PIAS1: variants seen among roughly 807,000 people sequenced by gnomAD.
The protein encoded by PIAS1 is E3 SUMO-protein ligase PIAS1.
Under a neutral mutation model 71.3 loss-of-function variants are expected in PIAS1, and 6 were observed. The ratio of observed to expected loss-of-function variants is 0.08; its 90% confidence interval spans 0.05 to 0.17. The LOEUF is 0.17. Among genes scored for constraint, PIAS1 ranks in the 10% least tolerant of loss-of-function variants. PIAS1 has a pLI of 1.00. For synonymous variants in PIAS1, 303 were observed against 292.9 expected (o/e 1.03, Z -0.35); for missense variants, 555 against 793.6 (o/e 0.70, Z 3.61).
In PIAS1 at chr15:68,188,195, CATT is replaced by C. The variant is rs1457303611; in HGVS notation, c.*364_*366del. On this transcript the variant is annotated 3_prime_UTR_variant, in exon 14 of 14. Coordinates refer to ENST00000249636, the MANE Select transcript of PIAS1 (RefSeq NM_016166.3). ...TTTTGGTTTTATTTGACTTCGATGG[CATT>C]ATTTTATTTGCAATAACAGAAAAGG... is the stretch of plus-strand genomic sequence containing the variant. 1.2e-5 allele frequency: 2 copies of C among 163,456 alleles called. No homozygotes were observed. Among genetic ancestry groups the C allele is most frequent in the African/African-American group, 4.8e-5 (2 of 41,614 alleles). 10.1% of individuals were successfully genotyped at this position (163,456 alleles called of 1,614,324 possible). A position where few individuals can be genotyped will look rare whatever the true frequency, so the allele number is the denominator to read the frequency against.
At chr15:68,076,626 CT>C (rs2092168656) in intron 1 of PIAS1, among the ~76,000 whole-genome samples, 1 of 152,204 alleles carries the variant, frequency 6.6e-6, no homozygotes. Flanking sequence ...AGGATAATCT[CT>C]TATGATATGC....
At chr15:68,149,969 A>T (rs1354526992) in intron 6 of PIAS1, among the ~76,000 whole-genome samples, 1 of 152,130 alleles carries the variant, frequency 6.6e-6, no homozygotes, top group African/African-American at 2.4e-5. Context: ...TAATTTTGAT[A>T]GAATATTATA....
rs10667510 is a variant in PIAS1, at chr15:68,090,927, GGT to G, written c.469+4212_469+4213del. Among the ~76,000 whole-genome samples the G allele has an allele frequency of 4.6e-3, 650 of 142,778 alleles. 4 individuals are homozygous for G. Among genetic ancestry groups the G allele is most frequent in the Middle Eastern group, 0.014 (4 of 286 alleles). The allele number at this position is 142,778 out of a possible 152,430, so 93.7% of individuals were successfully genotyped here. A position where few individuals can be genotyped will look rare whatever the true frequency, so the allele number is the denominator to read the frequency against. On this transcript the variant is annotated intron_variant, in intron 2 of 13. Transcript: ENST00000249636. ...GTATTCTTTTTGTTAGTCATTTACG[GGT>G]GTGTGTGTGTGTGTGTGTGTGTGTG...
intron 1 of PIAS1, among the ~76,000 whole-genome samples, chr15:68,079,042 CT>C (rs1023176949): frequency 6.0e-4 from 31 of 51,388 alleles, no homozygotes; most frequent in Non-Finnish European, 6.6e-4. Context: ...TAGTTAATCC[CT>C]CTTTTTTTTT....
intron 11 of PIAS1, among the ~76,000 whole-genome samples, chr15:68,177,278 CAA>C (rs3083984): frequency 1.5e-4 from 14 of 90,870 alleles, no homozygotes; most frequent in East Asian, 4.2e-4. Flanking sequence ...GACTTTGTCT[CAA>C]AAAAAAAAAA....
chr15:68,164,701 C>T, intron 7 of PIAS1, 30 bp from the exon 8 acceptor site: 1 of 1,365,744 alleles, frequency 7.3e-7, no homozygotes, highest in Non-Finnish European at 1.0e-6. Context: ...ACTCTGTTTG[C>T]TTTTTTTCTT....
chr15:68,063,476 A>G (rs746731902), intron 1 of PIAS1, among the ~76,000 whole-genome samples: 15 of 152,140 alleles, frequency 9.9e-5, no homozygotes, highest in Non-Finnish European at 2.1e-4. Flanking sequence ...CTTATAGTAG[A>G]TTCTCAGTAA....
At chr15:68,144,334 C>T (rs2141050486) in intron 4 of PIAS1, among the ~76,000 whole-genome samples, 1 of 152,114 alleles carries the variant, frequency 6.6e-6, no homozygotes, top group Non-Finnish European at 1.5e-5. Context: ...AATTAGGATC[C>T]AAGTTTTCTT....
In PIAS1 at chr15:68,185,972, A is replaced by AAAAC. The variant is rs35564899; in HGVS notation, c.1663-1562_1663-1559dup. Among the ~76,000 whole-genome samples, 79,329 of 150,934 alleles carry AAAAC rather than the reference A, an allele frequency of 0.53. 21,299 individuals are homozygous for AAAAC. The highest frequency in any genetic ancestry group is 0.57 in the Middle Eastern group (169 of 294). ...CAGAGCGAGACTCCATCTCAAAAAC[A>AAAAC]AAACAAACAAAAAAAACATGGGCCC... On this transcript the variant is annotated intron_variant, in intron 13 of 13. Coordinates refer to ENST00000249636, the MANE Select transcript of PIAS1 (RefSeq NM_016166.3). The surrounding 1 kb of genome is among the most constrained non-coding windows in gnomAD (Gnocchi z 4.4).
At position 68,062,870 on chromosome 15, in the gene PIAS1, T is replaced by C. The variant is rs544630046; in HGVS notation, c.24+8520T>C. ...TTTTACAATAGATAGTGAAGATCTT[T>C]CCATGACATGTCCAGACAATGAGAT... On this transcript the variant is annotated intron_variant, in intron 1 of 13. Transcript: ENST00000249636. Among the ~76,000 whole-genome samples, 12 of 152,326 alleles carry C rather than the reference T, an allele frequency of 7.9e-5. No individual in the cohort carries two copies. In the South Asian group the frequency reaches 2.1e-3, roughly 26 times the overall value.
intron 7 of PIAS1, among the ~76,000 whole-genome samples, chr15:68,162,612 T>C (rs763438028): frequency 2.0e-5 from 3 of 152,158 alleles, no homozygotes; most frequent in Non-Finnish European, 4.4e-5. Flanking sequence ...AAGCCAGTAA[T>C]GTGACTATTG....
In PIAS1 at chr15:68,183,683, T is replaced by C; in HGVS notation, c.1662+16T>C. On this transcript the variant is annotated intron_variant, in intron 13 of 13. Transcript: ENST00000249636. ...AGACAATCAGGTATGTTATGAAAAA[T>C]TTACTATTATTTTAATTGTACATTA... The C allele has an allele frequency of 1.1e-6, 1 of 947,418 alleles. No individual in the cohort carries two copies. Among genetic ancestry groups the C allele is most frequent in the Non-Finnish European group, 1.6e-6 (1 of 614,312 alleles). 58.7% of individuals were successfully genotyped at this position (947,418 alleles called of 1,614,324 possible). A position where few individuals can be genotyped will look rare whatever the true frequency, so the allele number is the denominator to read the frequency against.
At chr15:68,088,763 C>G (rs1416020874) in intron 2 of PIAS1, among the ~76,000 whole-genome samples, 1 of 152,020 alleles carries the variant, frequency 6.6e-6, no homozygotes, top group Non-Finnish European at 1.5e-5. Flanking sequence ...TTTTAAGGCT[C>G]TGTTTTTATA....
At chr15:68,147,923 CATG>C (rs2141054944) in intron 6 of PIAS1, among the ~76,000 whole-genome samples, 1 of 152,058 alleles carries the variant, frequency 6.6e-6, no homozygotes, top group East Asian at 1.9e-4. Context: ...GGACAATTTT[CATG>C]ATATGAACTC....
intron 2 of PIAS1, among the ~76,000 whole-genome samples, chr15:68,134,357 C>T (rs1386272086): frequency 2.7e-5 from 1 of 37,546 alleles, no homozygotes; most frequent in African/African-American, 5.4e-5. Context: ...GCTGGCCGGG[C>T]GGGGGGCTGA....
intron 2 of PIAS1, among the ~76,000 whole-genome samples, chr15:68,101,389 T>C: frequency 6.6e-6 from 1 of 151,470 alleles, no homozygotes; most frequent in Non-Finnish European, 1.5e-5. Flanking sequence ...TTCTAGATTC[T>C]AGTCCTTCGT....
chr15:68,078,549 T>C (rs1218167209), intron 1 of PIAS1, among the ~76,000 whole-genome samples: 1 of 152,194 alleles, frequency 6.6e-6, no homozygotes, highest in East Asian at 1.9e-4. Context: ...AGTGCCCCCG[T>C]CACCCATTTC....
At position 68,164,805 on chromosome 15, in the gene PIAS1, G is replaced by A; in HGVS notation, c.1008+1G>A. On this transcript the variant is annotated splice_donor_variant, in intron 8 of 13. Transcript: ENST00000249636. LOFTEE classifies it high-confidence loss of function. The stretch of plus-strand genomic sequence containing the variant: ...CCTAAGGGTTTCTCTACTATGTCCA[G>A]TAAGTGTTAACTATTACTTGCTTTC... 1 of 1,548,102 alleles carries A rather than the reference G, an allele frequency of 6.5e-7. No homozygotes were observed. Among genetic ancestry groups the A allele is most frequent in the Non-Finnish European group, 8.9e-7 (1 of 1,128,078 alleles).
intron 7 of PIAS1, among the ~76,000 whole-genome samples, chr15:68,159,976 C>A (rs1450571142): frequency 1.3e-5 from 2 of 152,108 alleles, no homozygotes; most frequent in Non-Finnish European, 2.9e-5. Context: ...CACATCCTTA[C>A]CAGCATATGG....
Sources: allele counts gnomAD v4.1 joint callset (sites outside exome capture counted in the v4.1 genomes callset), GRCh38; gene constraint gnomAD v4.1.1; non-coding constraint Gnocchi (gnomAD v3.1); transcripts MANE v1.5; gene names NCBI Gene and HGNC (gene_info 2026-07-23, HGNC 2026-07-21).